Variants in SNX29 observed in about 807,000 individuals in gnomAD.
The protein encoded by SNX29 is sorting nexin 29, also known as sorting nexin-29.
SNX29 carries 78 observed loss-of-function variants against 102.1 expected under a neutral mutation model. The ratio of observed to expected loss-of-function variants is 0.76; its 90% CI spans 0.64 to 0.92. The LOEUF is 0.92. Ranked by LOEUF, SNX29 falls within the 40% of genes least tolerant of loss-of-function variation. The pLI, the probability that SNX29 is intolerant of heterozygous loss-of-function variation, is 0.00. For missense variants in SNX29, 1,280 were observed against 1,061.7 expected (o/e 1.21, Z -2.86); for synonymous variants, 580 against 414.5 (o/e 1.40, Z -4.85).
At chr16:11,985,313 A>T (rs2055573209) in intron 1 of SNX29, among the ~76,000 whole-genome samples, 1 of 152,124 alleles carries the variant, frequency 6.6e-6, no homozygotes, top group Non-Finnish European at 1.5e-5. Context: ...GGGTCTGTTG[A>T]AGCAAAAGGA....
intron 6 of SNX29, among the ~76,000 whole-genome samples, chr16:12,047,145 C>T (rs571138670): frequency 1.3e-5 from 2 of 152,306 alleles, no homozygotes; most frequent in African/African-American, 4.8e-5. Flanking sequence ...CATGCTGTCT[C>T]AGCAGTCATC....
intron 14 of SNX29, among the ~76,000 whole-genome samples, chr16:12,224,731 G>T (rs1161774922): frequency 6.6e-6 from 1 of 152,118 alleles, no homozygotes; most frequent in Non-Finnish European, 1.5e-5. Flanking sequence ...TTTTTGTTTG[G>T]ATAGTAAGCA....
chr16:12,488,618 T>G (rs2151855282), intron 19 of SNX29, among the ~76,000 whole-genome samples: 1 of 152,334 alleles, frequency 6.6e-6, no homozygotes, highest in South Asian at 2.1e-4. Context: ...GCTGGGTGGT[T>G]AATTTCCTTT....
intron 14 of SNX29, among the ~76,000 whole-genome samples, chr16:12,251,872 G>C (rs1282016698): frequency 6.6e-6 from 1 of 151,936 alleles, no homozygotes; most frequent in African/African-American, 2.4e-5. Flanking sequence ...CAGTCCTCTT[G>C]ACTCAGCCTC....
chr16:12,539,424 A>G (rs1174288994), intron 20 of SNX29, among the ~76,000 whole-genome samples: 1 of 152,216 alleles, frequency 6.6e-6, no homozygotes, highest in African/African-American at 2.4e-5. Context: ...TGGGTGAGTC[A>G]GCAGTGTTTT....
In SNX29 at chr16:12,568,530, T is replaced by G. The variant is rs771112710; in HGVS notation, c.2343T>G (p.Pro781=). The G allele has an allele frequency of 5.6e-6, 9 of 1,609,920 alleles. No homozygotes were observed. The highest frequency in any genetic ancestry group is 7.6e-6 in the Non-Finnish European group (9 of 1,179,830). ...FFVDITPPGE[P]VNSRPKAASR... is the part of the protein sequence containing the mutation. The stretch of plus-strand genomic sequence containing the variant: ...GCGACATCACCCCGCCCGGAGAGCC[T>G]GTGAACAGCCGGCCCAAAGCAGCTT... Residue 781 remains proline (P), a synonymous_variant, in exon 21 of 21, where the codon CCT becomes CCG. Transcript: ENST00000566228.
intron 15 of SNX29, among the ~76,000 whole-genome samples, chr16:12,293,294 G>A (rs937947429): frequency 5.5e-4 from 84 of 152,162 alleles, no homozygotes; most frequent in African/African-American, 1.9e-3. Context: ...CAAGGTAGGC[G>A]GTGGTGGATG....
chr16:12,270,710 C>T (rs1311979275), intron 14 of SNX29, among the ~76,000 whole-genome samples: 1 of 151,812 alleles, frequency 6.6e-6, no homozygotes, highest in Admixed American at 6.6e-5. Flanking sequence ...ATGATATCAC[C>T]ATCTCCGTCA....
chr16:12,572,067 A>G lies in SNX29; in HGVS notation c.*3438A>G. On this transcript the variant is annotated 3_prime_UTR_variant, in exon 21 of 21. Transcript: ENST00000566228. ...GTTGTAAACAAGGGAACCATCTTGC[A>G]AGATCTAGGAAGAGGAAGGGGAGGG... 9.4e-7 allele frequency: 1 copy of G among 1,063,356 alleles called. No homozygotes were observed. The highest frequency in any genetic ancestry group is 1.1e-6 in the Non-Finnish European group (1 of 878,026). 65.9% of individuals were successfully genotyped at this position (1,063,356 alleles called of 1,614,324 possible).
intron 4 of SNX29, 160 bp downstream of exon 4, chr16:12,027,604 A>T: frequency 1.3e-6 from 1 of 782,392 alleles, no homozygotes; most frequent in Non-Finnish European, 1.9e-6. Context: ...TCAAAACGTA[A>T]TGGTGTTGTC....
rs2079242359 is a variant in SNX29, at chr16:12,574,065, A to C, written c.*5436A>C. The C allele has an allele frequency of 5.2e-6, 1 of 192,262 alleles. No homozygotes were observed. The highest frequency in any genetic ancestry group is 1.9e-4 in the South Asian group (1 of 5,164). 11.9% of individuals were successfully genotyped at this position (192,262 alleles called of 1,614,324 possible). A position where few individuals can be genotyped will look rare whatever the true frequency, so the allele number is the denominator to read the frequency against. On this transcript the variant is annotated 3_prime_UTR_variant, in exon 21 of 21. Coordinates refer to ENST00000566228, the MANE Select transcript of SNX29 (RefSeq NM_032167.5). ...AGTCTGTGTGTACATAAGGTCTAGA[A>C]GTCTGTGGAAACGCCCTGAAACCTG...
rs554694872 is a variant in SNX29, at chr16:12,508,501, T to C, written c.2179-16201T>C. Among the ~76,000 whole-genome samples the C allele has an allele frequency of 7.9e-5, 12 of 152,352 alleles. No individual in the cohort carries two copies. In the East Asian group the frequency reaches 2.3e-3, roughly 29 times the overall value. ...GATCTGCACTGTGATATTCAGGCAT[T>C]TGAATTAGCTGCTAGCTGATTTGAG... On this transcript the variant is annotated intron_variant, in intron 19 of 20. Coordinates refer to ENST00000566228, the MANE Select transcript of SNX29 (RefSeq NM_032167.5).
intron 14 of SNX29, among the ~76,000 whole-genome samples, chr16:12,217,415 G>A (rs1027857844): frequency 2.6e-5 from 4 of 152,154 alleles, no homozygotes; most frequent in Admixed American, 1.3e-4. Context: ...CTAGAGATAC[G>A]GTGATGGGGT....
At chr16:12,123,333 T>G (rs2054059965) in intron 11 of SNX29, among the ~76,000 whole-genome samples, 1 of 152,088 alleles carries the variant, frequency 6.6e-6, no homozygotes, top group Admixed American at 6.6e-5. Context: ...AAGTAAACAG[T>G]ACCATAGTAT....
chr16:12,552,459 C>G (rs923299340), intron 20 of SNX29, among the ~76,000 whole-genome samples: 1 of 152,180 alleles, frequency 6.6e-6, no homozygotes, highest in Non-Finnish European at 1.5e-5. Flanking sequence ...TACCTCGGGT[C>G]CATCTCATCA....
chr16:12,407,794 A>T (rs1597270320), intron 18 of SNX29, among the ~76,000 whole-genome samples: 1 of 152,188 alleles, frequency 6.6e-6, no homozygotes, highest in East Asian at 1.9e-4. Context: ...TGTGTTACTG[A>T]AGGAGGGCTG....
intron 19 of SNX29, among the ~76,000 whole-genome samples, chr16:12,523,171 C>T (rs28713194): frequency 0.011 from 1,738 of 152,268 alleles, 37 homozygotes; most frequent in African/African-American, 0.04. Context: ...TTTCTCGTTG[C>T]TGACAGATTG....
chr16:12,444,827 A>G (rs905951900), intron 18 of SNX29, among the ~76,000 whole-genome samples: 2 of 141,428 alleles, frequency 1.4e-5, no homozygotes, highest in African/African-American at 2.7e-5. Flanking sequence ...TGTCCCCTCG[A>G]CAGTGTTTTT....
At chr16:12,340,906 C>G (rs752085882) in intron 15 of SNX29, among the ~76,000 whole-genome samples, 35 of 152,202 alleles carry the variant, frequency 2.3e-4, no homozygotes, top group Non-Finnish European at 4.0e-4. Context: ...GGCCCCTATC[C>G]TTTGTCTGTC....
Sources: gnomAD v4.1 joint callset for allele counts (sites outside exome capture counted in the v4.1 genomes callset) on GRCh38, gnomAD v4.1.1 for gene constraint, MANE v1.5 for transcripts, NCBI Gene and HGNC (gene_info 2026-07-23, HGNC 2026-07-21) for gene names.